CUL4A: variants seen among roughly 807,000 people sequenced by gnomAD.
The protein encoded by CUL4A is cullin-4A.
In CUL4A, 16 loss-of-function variants were observed where a neutral mutation model predicts 95.5. The observed-to-expected ratio is 0.17, with a 90% CI of 0.11 to 0.25. CUL4A has a LOEUF of 0.25. Ranked by LOEUF, CUL4A falls within the 10% of genes least tolerant of loss-of-function variation. CUL4A has a pLI of 1.00. For missense variants in CUL4A, 610 were observed against 937.0 expected (o/e 0.65, Z 4.56); for synonymous variants, 380 against 353.1 (o/e 1.08, Z -0.85).
chr13:113,211,575 G>T (rs2040446686), intron 2 of CUL4A, among the ~76,000 whole-genome samples: 1 of 152,158 alleles, frequency 6.6e-6, no homozygotes, highest in Non-Finnish European at 1.5e-5. Context: ...AGTAGAGTCG[G>T]GGTTTCGCCA....
In CUL4A at chr13:113,258,347, G is replaced by A. The variant is rs185766778; in HGVS notation, c.2032-2260G>A. ...ATAACTTTATTCTTCCAATGAACTT[G>A]ACAATAATTGTATCACGCCTTTGCT... On this transcript the variant is annotated intron_variant, in intron 18 of 19. Transcript: ENST00000375440. 6.7e-4 allele frequency among the ~76,000 whole-genome samples: 102 copies of A among 152,244 alleles called. 1 individual carries two copies. The highest frequency in any genetic ancestry group is 2.9e-5 in the Non-Finnish European group (2 of 68,026).
chr13:113,256,930 T>TG lies in CUL4A; in HGVS notation c.2031+1805_2031+1806insG, dbSNP rs1332214709. On this transcript the variant is annotated intron_variant, in intron 18 of 19. Transcript: ENST00000375440. ...CTTTGTCCCTTTTTTTTTTTCGTTT[T>TG]TTTTTTTTTTTTTTTTTTTGCATTT... 2.5e-4 allele frequency among the ~76,000 whole-genome samples: 33 copies of TG among 133,254 alleles called. 1 individual carries two copies. The highest frequency in any genetic ancestry group is 1.5e-4 in the Admixed American group (2 of 13,238). The allele number at this position is 133,254 out of a possible 152,430, so 87.4% of individuals were successfully genotyped here.
chr13:113,250,705 C>T (rs2041972256), intron 15 of CUL4A, among the ~76,000 whole-genome samples: 1 of 151,806 alleles, frequency 6.6e-6, no homozygotes, highest in African/African-American at 2.4e-5. Context: ...CTTCTCAAGG[C>T]AAAAAGAAAG....
rs761149049 is a variant in CUL4A at position 113,239,428 on chromosome 13, C to T, written c.917-5C>T. The T allele has an allele frequency of 2.5e-6, 4 of 1,612,810 alleles. No homozygotes were observed. The South Asian group carries it at 4.4e-5, about 18-fold the overall frequency. ...TACTCTGCTGACGTGTACTGCACAT[C>T]TCAGGGCTCGACCACTTACTGGATG... On this transcript the variant is annotated splice_region_variant and splice_polypyrimidine_tract_variant and intron_variant, in intron 9 of 19. Transcript: ENST00000375440.
intron 4 of CUL4A, among the ~76,000 whole-genome samples, chr13:113,228,562 C>T (rs569289766): frequency 6.6e-6 from 1 of 152,028 alleles, no homozygotes; most frequent in African/African-American, 2.4e-5. Flanking sequence ...TTTTCTGGGC[C>T]AGGTAGCTGG....
At chr13:113,255,236 C>G (rs930725208) in intron 18 of CUL4A, 111 bp downstream of exon 18, 2 of 702,958 alleles carry the variant, frequency 2.8e-6, no homozygotes, top group Non-Finnish European at 4.7e-6. Flanking sequence ...TACAATAATC[C>G]AATTTCACTA....
At chr13:113,240,008 T>C (rs2041661369) in intron 10 of CUL4A, among the ~76,000 whole-genome samples, 1 of 152,224 alleles carries the variant, frequency 6.6e-6, no homozygotes, top group Non-Finnish European at 1.5e-5. Flanking sequence ...TACTTAAACT[T>C]TCACTTTCAT....
At chr13:113,262,053 CAG>C (rs1465311042) in intron 19 of CUL4A, among the ~76,000 whole-genome samples, 1 of 152,208 alleles carries the variant, frequency 6.6e-6, no homozygotes, top group Non-Finnish European at 1.5e-5. Context: ...GCTGGGATTA[CAG>C]GCGTGAGCCA....
intron 15 of CUL4A, among the ~76,000 whole-genome samples, chr13:113,252,368 C>G (rs757511599): frequency 6.6e-6 from 1 of 152,028 alleles, no homozygotes; most frequent in Non-Finnish European, 1.5e-5. Flanking sequence ...AGACCCATCT[C>G]TACAACAACA....
chr13:113,253,280 AAAG>A, intron 16 of CUL4A, 85 bp downstream of exon 16: 7 of 595,706 alleles, frequency 1.2e-5, no homozygotes, highest in Non-Finnish European at 1.9e-5. Context: ...TAGTAGCAAA[AAAG>A]GAGTGTTTCA....
At chr13:113,216,517 C>T (rs1343430476) in intron 2 of CUL4A, among the ~76,000 whole-genome samples, 5 of 152,210 alleles carry the variant, frequency 3.3e-5, no homozygotes, top group African/African-American at 1.2e-4. Context: ...CATCTTGATA[C>T]TAATAGGAGT....
Position 113,223,414 on chromosome 13 carries a change from G to A in CUL4A, c.368+4366G>A, listed in dbSNP as rs539491303. Among the ~76,000 whole-genome samples, 8 of 152,274 alleles carry A rather than the reference G, an allele frequency of 5.3e-5. No individual in the cohort carries two copies. In the South Asian group the frequency reaches 1.4e-3, roughly 28 times the overall value. ...TTTGTTGTTGTTGTTGTTGTTTTGA[G>A]ACGGAGTTTCGCTCTTAATTGCCCA... On this transcript the variant is annotated intron_variant, in intron 3 of 19. Transcript: ENST00000375440.
intron 10 of CUL4A, among the ~76,000 whole-genome samples, chr13:113,241,511 C>CTTTTTT (rs10645246): frequency 9.2e-5 from 11 of 120,078 alleles, no homozygotes; most frequent in Admixed American, 2.9e-4. Flanking sequence ...CTGTTGGCAT[C>CTTTTTT]TTTTTTTTTT....
At chr13:113,211,514 C>A (rs887653286) in intron 2 of CUL4A, among the ~76,000 whole-genome samples, 33 of 152,212 alleles carry the variant, frequency 2.2e-4, no homozygotes, top group African/African-American at 7.2e-4. Flanking sequence ...CCTCCCGAGT[C>A]GCTGGGATTA....
At chr13:113,220,458 G>A (rs1321475682) in intron 3 of CUL4A, among the ~76,000 whole-genome samples, 1 of 152,234 alleles carries the variant, frequency 6.6e-6, no homozygotes, top group Non-Finnish European at 1.5e-5. Context: ...CTGTGAGGGC[G>A]CACAGAAGCA....
intron 10 of CUL4A, among the ~76,000 whole-genome samples, chr13:113,241,267 TAAA>T (rs2041701668): frequency 6.6e-6 from 1 of 152,166 alleles, no homozygotes; most frequent in South Asian, 2.1e-4. Flanking sequence ...GTCTGGGTAA[TAAA>T]AATCAGTGAG....
intron 7 of CUL4A, 102 bp from the exon 8 acceptor site, chr13:113,234,961 G>T: frequency 1.2e-6 from 1 of 835,804 alleles, no homozygotes; most frequent in Non-Finnish European, 1.9e-6. Flanking sequence ...TATGTATTCT[G>T]CTTTTTAAAA....
chr13:113,237,236 C>T (rs747806551), intron 9 of CUL4A, among the ~76,000 whole-genome samples: 1 of 152,200 alleles, frequency 6.6e-6, no homozygotes, highest in Non-Finnish European at 1.5e-5. Flanking sequence ...TCTTCATGCA[C>T]ACTCGGATGT....
Position 113,233,996 on chromosome 13 carries a change from T to C in CUL4A, c.765+10T>C. 8 of 1,556,392 alleles carry C rather than the reference T, an allele frequency of 5.1e-6. No homozygotes were observed. Among genetic ancestry groups the C allele is most frequent in the Non-Finnish European group, 7.1e-6 (8 of 1,131,812 alleles). The stretch of plus-strand genomic sequence containing the variant: ...AATGCAGGAAAGAGAGGTGAGATGA[T>C]GGGATGTTTCCGAATCCCCTGGCTT... On this transcript the variant is annotated intron_variant, in intron 7 of 19. Transcript: ENST00000375440.
Sources: allele counts gnomAD v4.1 joint callset (sites outside exome capture counted in the v4.1 genomes callset), GRCh38; gene constraint gnomAD v4.1.1; transcripts MANE v1.5; gene names NCBI Gene and HGNC (gene_info 2026-07-23, HGNC 2026-07-21).